Variants in GNAQ observed in about 807,000 individuals in gnomAD.
The protein encoded by GNAQ is G protein subunit alpha q.
A neutral mutation model predicts 43.9 loss-of-function variants in GNAQ; 8 were observed. The ratio of observed to expected loss-of-function variants is 0.18; its 90% CI spans 0.11 to 0.33. GNAQ has a LOEUF of 0.33. Among genes scored for constraint, GNAQ ranks in the 10% least tolerant of loss-of-function variants. The pLI, the probability that GNAQ is intolerant of heterozygous loss-of-function variation, is 1.00. For synonymous variants in GNAQ, 155 were observed against 170.7 expected (o/e 0.91, Z 0.71); for missense variants, 158 against 450.8 (o/e 0.35, Z 5.88).
At chr9:77,943,811 T>C (rs999888893) in intron 1 of GNAQ, among the ~76,000 whole-genome samples, 16 of 151,890 alleles carry the variant, frequency 1.1e-4, no homozygotes, top group African/African-American at 3.6e-4. Context: ...GATTTACAGG[T>C]ACACAACACC....
At chr9:77,890,721 C>A (rs562785493) in intron 2 of GNAQ, among the ~76,000 whole-genome samples, 6 of 152,276 alleles carry the variant, frequency 3.9e-5, no homozygotes, top group Non-Finnish European at 7.4e-5. Flanking sequence ...GAAACTCTGT[C>A]TAAAAAAACA....
Position 77,819,677 on chromosome 9 carries a change from A to G in GNAQ, c.322-3907T>C, listed in dbSNP as rs534217038. Among the ~76,000 whole-genome samples the G allele has an allele frequency of 3.3e-5, 5 of 151,904 alleles. No homozygotes were observed. The South Asian group carries it at 1.0e-3, about 32-fold the overall frequency. On this transcript the variant is annotated intron_variant, in intron 2 of 6. Transcript: ENST00000286548. ...CAAGCCAGCATCAGACTTCATCTCA[A>G]TTCTGAACTGCAGCACACATCTTCC...
intron 5 of GNAQ, among the ~76,000 whole-genome samples, chr9:77,782,743 C>G (rs1826414176): frequency 6.6e-6 from 1 of 152,168 alleles, no homozygotes; most frequent in African/African-American, 2.4e-5. Context: ...TGGAAGCAAC[C>G]AAGATGTCCT....
At chr9:77,738,672 C>T (rs1043034846) in intron 5 of GNAQ, among the ~76,000 whole-genome samples, 2 of 152,084 alleles carry the variant, frequency 1.3e-5, no homozygotes, top group African/African-American at 4.8e-5. Flanking sequence ...AAGCCACTAG[C>T]TACATGTGGC....
Position 77,720,588 on chromosome 9 carries a change from T to C in GNAQ, c.*735A>G, listed in dbSNP as rs1196194037. ...CAAAAGAAAGGACTCCTGTGTGTCT[T>C]TGATCCTGCCTTCTGCATATTTCTC... On this transcript the variant is annotated 3_prime_UTR_variant, in exon 7 of 7. Transcript: ENST00000286548. The C allele has an allele frequency of 1.3e-5, 3 of 233,280 alleles. No homozygotes were observed. The highest frequency in any genetic ancestry group is 2.2e-5 in the African/African-American group (1 of 45,344). 14.5% of individuals were successfully genotyped at this position (233,280 alleles called of 1,614,324 possible). A position where few individuals can be genotyped will look rare whatever the true frequency, so the allele number is the denominator to read the frequency against.
intron 2 of GNAQ, among the ~76,000 whole-genome samples, chr9:77,858,036 C>T (rs1202669448): frequency 1.3e-5 from 2 of 152,048 alleles, no homozygotes; most frequent in African/African-American, 2.4e-5. Flanking sequence ...GAGCAAGTAC[C>T]AAGTAGGAAA....
intron 2 of GNAQ, among the ~76,000 whole-genome samples, chr9:77,823,924 A>C (rs1386470724): frequency 6.6e-6 from 1 of 152,212 alleles, no homozygotes; most frequent in Non-Finnish European, 1.5e-5. Context: ...TATTACATTG[A>C]TATTATTCAA....
intron 2 of GNAQ, among the ~76,000 whole-genome samples, chr9:77,820,010 A>C (rs1186716057): frequency 6.7e-6 from 1 of 149,882 alleles, no homozygotes; most frequent in African/African-American, 2.4e-5. Context: ...CACTTATTTT[A>C]GAGGGATAAA....
intron 1 of GNAQ, among the ~76,000 whole-genome samples, chr9:77,971,016 T>C (rs1823230851): frequency 6.6e-6 from 1 of 152,014 alleles, no homozygotes; most frequent in Admixed American, 6.5e-5. Context: ...ACAAATAAAC[T>C]AGAAAGTCTA....
chr9:77,863,209 A>AGGAAGGAAGGAAGGAG (rs1827886629), intron 2 of GNAQ, among the ~76,000 whole-genome samples: 1 of 151,006 alleles, frequency 6.6e-6, no homozygotes, highest in Non-Finnish European at 1.5e-5. Flanking sequence ...GAAGGAAGGA[A>AGGAAGGAAGGAAGGAG]GGAAGGAAGG....
At chr9:78,028,465 A>G (rs943918303) in intron 1 of GNAQ, among the ~76,000 whole-genome samples, 2 of 152,204 alleles carry the variant, frequency 1.3e-5, no homozygotes, top group Non-Finnish European at 1.5e-5. Flanking sequence ...ATTAATACAC[A>G]AAAGTAAATA....
At chr9:77,745,116 G>C (rs1437172447) in intron 5 of GNAQ, among the ~76,000 whole-genome samples, 1 of 152,152 alleles carries the variant, frequency 6.6e-6, no homozygotes, top group Non-Finnish European at 1.5e-5. Flanking sequence ...AGGAGTGGAG[G>C]ACTGAACTGG....
intron 5 of GNAQ, among the ~76,000 whole-genome samples, chr9:77,738,876 C>A (rs1441715567): frequency 6.6e-6 from 1 of 151,654 alleles, no homozygotes; most frequent in Non-Finnish European, 1.5e-5. Context: ...CTAGTCTAAG[C>A]ATTTTTTTTT....
rs550232247 is a variant in GNAQ at position 77,921,824 on chromosome 9, C to T, written c.321+337G>A. Among the ~76,000 whole-genome samples, 5 of 152,216 alleles carry T rather than the reference C, an allele frequency of 3.3e-5. No individual in the cohort carries two copies. In the South Asian group the frequency reaches 1.0e-3, roughly 32 times the overall value. On this transcript the variant is annotated intron_variant, in intron 2 of 6. Coordinates refer to ENST00000286548, the MANE Select transcript of GNAQ (RefSeq NM_002072.5). Reference sequence around the variant, plus strand: ...CCTCTTTGAAATCCCCTATTTTGGCCAATTTATGATACTTACAAACTCTCT... The same window carrying T: ...CCTCTTTGAAATCCCCTATTTTGGCTAATTTATGATACTTACAAACTCTCT...
chr9:77,917,001 T>C (rs1255765837), intron 2 of GNAQ, among the ~76,000 whole-genome samples: 1 of 152,182 alleles, frequency 6.6e-6, no homozygotes, highest in Admixed American at 6.5e-5. Context: ...TGATCCGCTA[T>C]CTGGAGTAAT....
intron 6 of GNAQ, 40 bp downstream of exon 6, chr9:77,728,474 T>G: frequency 6.8e-7 from 1 of 1,478,168 alleles, no homozygotes; most frequent in Non-Finnish European, 9.4e-7. Context: ...AGACAAAACC[T>G]ATTCACAGCT....
chr9:77,762,047 G>A (rs1826041226), intron 5 of GNAQ, among the ~76,000 whole-genome samples: 1 of 135,218 alleles, frequency 7.4e-6, no homozygotes, highest in Admixed American at 7.1e-5. Context: ...CCTCTGCCCG[G>A]CCAGCCGCCC....
At position 77,887,205 on chromosome 9, in the gene GNAQ, G is replaced by T. The variant is rs1457701878; in HGVS notation, c.321+34956C>A. 5.9e-5 allele frequency among the ~76,000 whole-genome samples: 9 copies of T among 152,172 alleles called. 1 individual carries two copies. The highest frequency in any genetic ancestry group is 1.3e-4 in the Admixed American group (2 of 15,272). On this transcript the variant is annotated intron_variant, in intron 2 of 6. Coordinates refer to ENST00000286548, the MANE Select transcript of GNAQ (RefSeq NM_002072.5). ...AGAGAAGCTGAGCAGGGTCTCCCAT[G>T]TTTGGGAAACAGCTCTGAGCTTGCT...
chr9:77,989,756 G>T (rs1541056), intron 1 of GNAQ, among the ~76,000 whole-genome samples: 104,659 of 152,040 alleles, frequency 0.69, 36,553 homozygotes, highest in South Asian at 0.75. Context: ...CCAATTAGAA[G>T]TGGGTGTTTC....
Sources: allele counts gnomAD v4.1 joint callset (sites outside exome capture counted in the v4.1 genomes callset), GRCh38; gene constraint gnomAD v4.1.1; transcripts MANE v1.5; gene names NCBI Gene and HGNC (gene_info 2026-07-23, HGNC 2026-07-21).